The following PCDHGA5 variants were observed in gnomAD, a reference collection of about 807,000 sequenced individuals.
PCDHGA5 encodes protocadherin gamma-A5.
PCDHGA5 carries 36 observed loss-of-function variants against 56.7 expected under a neutral mutation model. That is an observed-to-expected ratio of 0.64 (90% CI 0.49 to 0.84). PCDHGA5 has a LOEUF of 0.84. Among genes scored for constraint, PCDHGA5 ranks in the 40% least tolerant of loss-of-function variants. PCDHGA5 has a pLI of 0.00. For synonymous variants in PCDHGA5, 563 were observed against 520.2 expected (o/e 1.08, Z -1.12); for missense variants, 1,305 against 1,201.5 (o/e 1.09, Z -1.27).
chr5:141,485,344 C>G lies in PCDHGA5; in HGVS notation c.2422-9463C>G. On this transcript the variant is annotated intron_variant, in intron 1 of 3. Coordinates refer to ENST00000518069, the MANE Select transcript of PCDHGA5 (RefSeq NM_018918.3). This position sits in a 1 kb window ranked among gnomAD's most constrained non-coding sequence, Gnocchi z 5.7. ...CTCAAGATTTCCTGCTGGATACGGA[C>G]AGTCTGTCAGCTCGCAGGCTGCAGG... 6.2e-7 allele frequency: 1 copy of G among 1,614,116 alleles called. No individual in the cohort carries two copies. The highest frequency in any genetic ancestry group is 8.5e-7 in the Non-Finnish European group (1 of 1,180,004).
intron 1 of PCDHGA5, chr5:141,398,327 G>C (rs1348307728): frequency 7.4e-7 from 1 of 1,353,452 alleles, no homozygotes; most frequent in Non-Finnish European, 1.0e-6. Flanking sequence ...CGAAAACTGC[G>C]CGTCAGTTCG....
Position 141,431,628 on chromosome 5 carries a change from A to T in PCDHGA5, c.2422-63179A>T, listed in dbSNP as rs1204083567. The T allele has an allele frequency of 6.2e-7, 1 of 1,614,138 alleles. No individual in the cohort carries two copies. Among genetic ancestry groups the T allele is most frequent in the Non-Finnish European group, 8.5e-7 (1 of 1,180,058 alleles). ...CGGTATGTGGACGACAAGGCGGCCC[A>T]AGTTTTCAAACTAGATTGTAATTCA... On this transcript the variant is annotated intron_variant, in intron 1 of 3. Coordinates refer to ENST00000518069, the MANE Select transcript of PCDHGA5 (RefSeq NM_018918.3). The surrounding 1 kb of genome is among the most constrained non-coding windows in gnomAD (Gnocchi z 4.8).
At chr5:141,495,095 G>C (rs67264863) in intron 2 of PCDHGA5, among the ~76,000 whole-genome samples, 9,751 of 152,126 alleles carry the variant, frequency 0.064, 363 homozygotes, top group South Asian at 0.11. Context: ...TTCCCTCCTC[G>C]CCACGACCGG....
chr5:141,374,218 A>C, intron 1 of PCDHGA5: 1 of 1,613,952 alleles, frequency 6.2e-7, no homozygotes, highest in Non-Finnish European at 8.5e-7. Flanking sequence ...GCTCCTTCGT[A>C]GGCAACATCG....
rs200317374 is a variant in PCDHGA5 at position 141,408,395 on chromosome 5, A to G, written c.2421+41644A>G. On this transcript the variant is annotated intron_variant, in intron 1 of 3. Coordinates refer to ENST00000518069, the MANE Select transcript of PCDHGA5 (RefSeq NM_018918.3). ...CAGTGTCCTGGATGTGTCGGCTCGC[A>G]AGCTGCGAGTGAGCGCGGAGAAGCT... 8.8e-3 allele frequency: 14,159 copies of G among 1,613,888 alleles called. 310 individuals are homozygous for G. Among genetic ancestry groups the G allele is most frequent in the South Asian group, 0.064 (5,857 of 91,072 alleles).
intron 1 of PCDHGA5, among the ~76,000 whole-genome samples, chr5:141,467,359 A>G (rs997614051): frequency 1.3e-5 from 2 of 151,714 alleles, no homozygotes; most frequent in African/African-American, 4.8e-5. Context: ...GGCCAAATCA[A>G]CGTTTTCTTA....
chr5:141,389,463 G>C (rs1201903320), intron 1 of PCDHGA5: 1 of 1,613,192 alleles, frequency 6.2e-7, no homozygotes, highest in African/African-American at 1.3e-5. Context: ...GCGCGCCTTC[G>C]AACTCACACT....
rs1332743231 is a variant in PCDHGA5 at position 141,432,967 on chromosome 5, G to A, written c.2422-61840G>A. 4 of 1,614,192 alleles carry A rather than the reference G, an allele frequency of 2.5e-6. No homozygotes were observed. In the East Asian group the frequency reaches 6.7e-5, roughly 27 times the overall value. On this transcript the variant is annotated intron_variant, in intron 1 of 3. Coordinates refer to ENST00000518069, the MANE Select transcript of PCDHGA5 (RefSeq NM_018918.3). The surrounding 1 kb of genome is among the most constrained non-coding windows in gnomAD (Gnocchi z 6.0). The stretch of plus-strand genomic sequence containing the variant: ...CAGGAGGCGGCTTGACAGGAGCGCC[G>A]GCGTCGCACTTTGTGGGCGTGGACG...
intron 1 of PCDHGA5, chr5:141,420,276 T>C: frequency 6.6e-7 from 1 of 1,523,250 alleles, no homozygotes; most frequent in Non-Finnish European, 8.9e-7. Context: ...CTTAAACAGG[T>C]AAGTATTTAA....
intron 1 of PCDHGA5, among the ~76,000 whole-genome samples, chr5:141,381,832 T>TTTG (rs1185630457): frequency 7.4e-6 from 1 of 135,134 alleles, no homozygotes; most frequent in Non-Finnish European, 1.6e-5. Flanking sequence ...TCTTCTTTTT[T>TTTG]TTTTTTTTTT....
chr5:141,418,439 T>C (rs1284999606), intron 1 of PCDHGA5: 1 of 1,613,812 alleles, frequency 6.2e-7, no homozygotes, highest in Non-Finnish European at 8.5e-7. Flanking sequence ...ATATCCAGAA[T>C]TAGTATTGCA....
intron 1 of PCDHGA5, chr5:141,399,297 T>A (rs370898446): frequency 6.2e-7 from 1 of 1,613,830 alleles, no homozygotes; most frequent in African/African-American, 1.3e-5. Context: ...CTTTTAAGAT[T>A]ATCTCTTCAT....
At chr5:141,401,802 A>C (rs1030250595) in intron 1 of PCDHGA5, among the ~76,000 whole-genome samples, 162 of 152,148 alleles carry the variant, frequency 1.1e-3, no homozygotes, top group African/African-American at 3.7e-3. Context: ...TGATTCAGTA[A>C]ATGGGTTCCT....
intron 1 of PCDHGA5, chr5:141,405,210 A>G (rs752645800): frequency 1.2e-6 from 2 of 1,613,994 alleles, no homozygotes; most frequent in South Asian, 1.1e-5. Context: ...CTACAGACCT[A>G]TTCTCAGGAG....
intron 3 of PCDHGA5, among the ~76,000 whole-genome samples, chr5:141,508,579 G>A (rs569867127): frequency 6.6e-6 from 1 of 152,234 alleles, no homozygotes; most frequent in East Asian, 1.9e-4. Flanking sequence ...ACCCACTCGG[G>A]GTGCTACTCA....
chr5:141,383,198 C>A, intron 1 of PCDHGA5: 1 of 1,614,016 alleles, frequency 6.2e-7, no homozygotes, highest in Non-Finnish European at 8.5e-7. Flanking sequence ...GCTCAGAGTG[C>A]GCGGTGTCTG....
At chr5:141,478,720 G>T (rs2154576937) in intron 1 of PCDHGA5, 1 of 1,543,694 alleles carries the variant, frequency 6.5e-7, no homozygotes, top group Admixed American at 2.0e-5. Context: ...ATGGTGGCCT[G>T]CCAGAGTGTG....
At chr5:141,388,655 G>A (rs375260597) in intron 1 of PCDHGA5, 1 of 1,613,808 alleles carries the variant, frequency 6.2e-7, no homozygotes, top group Non-Finnish European at 8.5e-7. Flanking sequence ...ACGTGTACCC[G>A]GGGACCACGG....
intron 1 of PCDHGA5, chr5:141,367,506 C>T (rs957460627): frequency 2.0e-4 from 30 of 151,946 alleles, no homozygotes; most frequent in African/African-American, 7.0e-4. Flanking sequence ...CACTGCACTC[C>T]AGCCTGGGAG....
Sources: gnomAD v4.1 joint callset for allele counts (sites outside exome capture counted in the v4.1 genomes callset) on GRCh38, gnomAD v4.1.1 for gene constraint, Gnocchi (gnomAD v3.1) non-coding constraint, MANE v1.5 for transcripts, NCBI Gene and HGNC (gene_info 2026-07-23, HGNC 2026-07-21) for gene names.